GGACT: variants seen among roughly 807,000 people sequenced by gnomAD.
The protein encoded by GGACT is gamma-glutamylaminecyclotransferase.
For synonymous variants in GGACT, 118 were observed against 115.3 expected (o/e 1.02, Z -0.15); for missense variants, 241 against 233.2 (o/e 1.03, Z -0.22).
chr13:100,532,439 CG>C lies in GGACT; in HGVS notation c.152del (p.Pro51ArgfsTer20). On this transcript the variant is annotated frameshift_variant, in exon 3 of 3. Transcript: ENST00000683975. LOFTEE classifies it low-confidence loss of function (END_TRUNC). Reference sequence around the variant, plus strand: ...CCGAGCCGGGCAGGTGCAGCAGCCACGGGATGTTGTGCTCCCCCGCGATCAC... The same window carrying C: ...CCGAGCCGGGCAGGTGCAGCAGCCACGGATGTTGTGCTCCCCCGCGATCAC... ...PLVIAGEHNI[P>X]WLLHLPGSGR... is the part of the protein sequence containing the mutation. 6.5e-7 allele frequency: 1 copy of C among 1,549,926 alleles called. No homozygotes were observed. The highest frequency in any genetic ancestry group is 1.4e-5 in the African/African-American group (1 of 73,164).
chr13:100,533,885 T>C (rs1232379971), intron 2 of GGACT: 1 of 152,308 alleles, frequency 6.6e-6, no homozygotes, highest in Non-Finnish European at 1.5e-5. Flanking sequence ...CGCTGCCCTG[T>C]GTGCCCCCGC....
intron 2 of GGACT, among the ~76,000 whole-genome samples, chr13:100,572,573 G>A (rs992970826): frequency 1.3e-5 from 2 of 152,100 alleles, no homozygotes; most frequent in African/African-American, 2.4e-5. Context: ...ATTTATTTTT[G>A]TAGACAGGGT....
At chr13:100,566,836 T>C (rs115698105) in intron 2 of GGACT, among the ~76,000 whole-genome samples, 15 of 152,326 alleles carry the variant, frequency 9.8e-5, no homozygotes, top group African/African-American at 2.6e-4. Context: ...GTTTGAACTT[T>C]TTCCAACTGT....
In GGACT at chr13:100,585,822, C is replaced by CAAAAAAAAA. The variant is rs550006144; in HGVS notation, c.-183-1834_-183-1826dup. Reference sequence around the variant, plus strand: ...CAGCCTGGGCAATACCTGTCTCCACCAAAAAAAAAAAAAAAAAAAAAAAAA... The same window carrying CAAAAAAAAA: ...CAGCCTGGGCAATACCTGTCTCCACCAAAAAAAAAAAAAAAAAAAAAAAAAAAAAAAAAA... On this transcript the variant is annotated intron_variant, in intron 1 of 2. Coordinates refer to ENST00000683975, the MANE Select transcript of GGACT (RefSeq NM_001195087.2). 4.5e-3 allele frequency among the ~76,000 whole-genome samples: 134 copies of CAAAAAAAAA among 29,554 alleles called. 18 individuals are homozygous for CAAAAAAAAA. Among genetic ancestry groups the CAAAAAAAAA allele is most frequent in the Non-Finnish European group, 8.0e-3 (103 of 12,844 alleles). The allele number at this position is 29,554 out of a possible 152,430, so 19.4% of individuals were successfully genotyped here.
chr13:100,532,664 C>G (rs1349200060), intron 2 of GGACT, 63 bp from the exon 3 acceptor site: 6 of 1,341,494 alleles, frequency 4.5e-6, no homozygotes, highest in Non-Finnish European at 5.1e-6. Context: ...GCACCTGGGA[C>G]GTGGCTCCCG....
chr13:100,542,610 G>C (rs572043971), intron 2 of GGACT, among the ~76,000 whole-genome samples: 4 of 152,262 alleles, frequency 2.6e-5, no homozygotes, highest in Admixed American at 6.5e-5. Flanking sequence ...ATGTGTTAAG[G>C]ATAAGGGCGG....
intron 2 of GGACT, among the ~76,000 whole-genome samples, chr13:100,546,582 G>C (rs1475366137): frequency 1.3e-5 from 2 of 152,030 alleles, no homozygotes; most frequent in African/African-American, 4.8e-5. Flanking sequence ...AGGCTGAGGT[G>C]GGGGGATCGC....
chr13:100,554,583 A>G (rs1302167444), intron 2 of GGACT, among the ~76,000 whole-genome samples: 1 of 152,210 alleles, frequency 6.6e-6, no homozygotes, highest in Non-Finnish European at 1.5e-5. Flanking sequence ...ATCACGATTA[A>G]TATTTTAAGG....
At chr13:100,573,594 C>T (rs1795273523) in intron 2 of GGACT, among the ~76,000 whole-genome samples, 1 of 152,068 alleles carries the variant, frequency 6.6e-6, no homozygotes, top group Non-Finnish European at 1.5e-5. Flanking sequence ...CTCAAGCAAT[C>T]CACACGCCTC....
At chr13:100,579,317 G>A (rs1410719995) in intron 2 of GGACT, among the ~76,000 whole-genome samples, 1 of 152,134 alleles carries the variant, frequency 6.6e-6, no homozygotes, top group East Asian at 1.9e-4. Flanking sequence ...ACAGCTGTGG[G>A]GAGAGGAGGG....
intron 2 of GGACT, chr13:100,540,146 CGTT>C: frequency 6.3e-7 from 1 of 1,591,890 alleles, no homozygotes; most frequent in Non-Finnish European, 8.5e-7. Flanking sequence ...TTCTTAATGG[CGTT>C]GTCCTTGGGC....
chr13:100,530,257 A>G lies in GGACT; in HGVS notation c.*1873T>C, dbSNP rs2088307404. ...ATTGATTCAAGCATTATACAGGAACACCCCTGTGCAGCTACGTTTACGTCG... is the reference window on the plus strand; with the variant it reads ...ATTGATTCAAGCATTATACAGGAACGCCCCTGTGCAGCTACGTTTACGTCG... On this transcript the variant is annotated 3_prime_UTR_variant, in exon 3 of 3. Coordinates refer to ENST00000683975, the MANE Select transcript of GGACT (RefSeq NM_001195087.2). 2 of 1,007,044 alleles carry G rather than the reference A, an allele frequency of 2.0e-6. No individual in the cohort carries two copies. The highest frequency in any genetic ancestry group is 3.7e-5 in the Admixed American group (2 of 54,414). 62.4% of individuals were successfully genotyped at this position (1,007,044 alleles called of 1,614,324 possible).
At chr13:100,556,026 A>C (rs2088705187) in intron 2 of GGACT, among the ~76,000 whole-genome samples, 1 of 152,230 alleles carries the variant, frequency 6.6e-6, no homozygotes, top group Admixed American at 6.5e-5. Context: ...CCTATGGCTA[A>C]CATCCTTCTC....
chr13:100,573,312 T>A (rs535057572), intron 2 of GGACT, among the ~76,000 whole-genome samples: 1 of 152,196 alleles, frequency 6.6e-6, no homozygotes, highest in South Asian at 2.1e-4. Context: ...CCTTCCCCCA[T>A]CCCATGAAAT....
chr13:100,581,506 A>G (rs1875415516), intron 2 of GGACT, among the ~76,000 whole-genome samples: 1 of 152,372 alleles, frequency 6.6e-6, no homozygotes, highest in Middle Eastern at 3.4e-3. Context: ...AAAGTATAAT[A>G]TAAGTATCTG....
chr13:100,561,147 C>T (rs2088756425), intron 2 of GGACT, among the ~76,000 whole-genome samples: 1 of 152,228 alleles, frequency 6.6e-6, no homozygotes, highest in Non-Finnish European at 1.5e-5. Context: ...TTAACCTCTC[C>T]ATTTCAGTAT....
intron 2 of GGACT, among the ~76,000 whole-genome samples, chr13:100,581,816 G>A (rs1282128424): frequency 2.0e-5 from 3 of 152,256 alleles, no homozygotes; most frequent in African/African-American, 7.2e-5. Flanking sequence ...TGCTTGATAC[G>A]ATGTAGCAAA....
intron 2 of GGACT, among the ~76,000 whole-genome samples, chr13:100,535,070 C>A (rs1446153713): frequency 6.6e-6 from 1 of 152,356 alleles, no homozygotes; most frequent in Middle Eastern, 3.4e-3. Flanking sequence ...TTTGGTCCAG[C>A]ACCTGCAGGT....
At position 100,534,005 on chromosome 13, in the gene GGACT, C is replaced by T. The variant is rs555863998; in HGVS notation, c.-10-1404G>A. 4.7e-4 allele frequency among the ~76,000 whole-genome samples: 71 copies of T among 152,310 alleles called. 1 individual carries two copies. The highest frequency in any genetic ancestry group is 3.1e-3 in the East Asian group (16 of 5,178). ...CAGGAAACAGCAGCGGCTCGTGACC[C>T]GCCAGAAATGGCCCCGGACACCACA... is the stretch of plus-strand genomic sequence containing the variant. On this transcript the variant is annotated intron_variant, in intron 2 of 2. Coordinates refer to ENST00000683975, the MANE Select transcript of GGACT (RefSeq NM_001195087.2). The surrounding 1 kb of genome is among the most constrained non-coding windows in gnomAD (Gnocchi z 4.9).
Sources: allele counts gnomAD v4.1 joint callset (sites outside exome capture counted in the v4.1 genomes callset), GRCh38; gene constraint gnomAD v4.1.1; non-coding constraint Gnocchi (gnomAD v3.1); transcripts MANE v1.5; gene names NCBI Gene and HGNC (gene_info 2026-07-23, HGNC 2026-07-21).